SH3KBP1: variants seen among roughly 807,000 people sequenced by gnomAD.
The protein encoded by SH3KBP1 is SH3 domain-containing kinase-binding protein 1.
A neutral mutation model predicts 50.1 loss-of-function variants in SH3KBP1; 8 were observed. The observed-to-expected ratio is 0.16, with a 90% CI of 0.09 to 0.29. SH3KBP1 has a LOEUF of 0.29. Ranked by LOEUF, SH3KBP1 falls within the 10% of genes least tolerant of loss-of-function variation. SH3KBP1 has a pLI of 1.00. For missense variants in SH3KBP1, 377 were observed against 535.2 expected, an observed-to-expected ratio of 0.70 and a Z score of 2.92; for synonymous variants, 227 against 218.6, an observed-to-expected ratio of 1.04 and a Z score of -0.34.
chrX:19,645,716 C>G (rs1341381136), intron 6 of SH3KBP1, among the ~76,000 whole-genome samples: 1 of 111,931 alleles, frequency 8.9e-6, no homozygotes, highest in African/African-American at 3.3e-5. Context: ...AGCGTTTATT[C>G]TCTTTCTTCC....
intron 4 of SH3KBP1, among the ~76,000 whole-genome samples, chrX:19,699,117 T>G (rs191428545): frequency 6.3e-5 from 7 of 111,635 alleles, no homozygotes; most frequent in Admixed American, 5.7e-4. Flanking sequence ...AGCACCTATC[T>G]TGCACTGCCC....
At chrX:19,690,162 C>A (rs918755635) in intron 5 of SH3KBP1, among the ~76,000 whole-genome samples, 1 of 108,522 alleles carries the variant, frequency 9.2e-6, no homozygotes, top group Non-Finnish European at 1.9e-5. Context: ...TGGGTTCAAG[C>A]AATCCTCCTT....
chrX:19,831,091 G>A (rs1191125998), intron 2 of SH3KBP1, among the ~76,000 whole-genome samples: 1 of 112,140 alleles, frequency 8.9e-6, no homozygotes, highest in African/African-American at 3.2e-5. Flanking sequence ...ACGCTCAAAT[G>A]GGATACTGAA....
intron 2 of SH3KBP1, among the ~76,000 whole-genome samples, chrX:19,827,195 G>C (rs1162819080): frequency 8.9e-6 from 1 of 112,013 alleles, no homozygotes; most frequent in Non-Finnish European, 1.9e-5. Context: ...AGCACACATA[G>C]GACATGCAAG....
chrX:19,761,731 A>G (rs761879113), intron 2 of SH3KBP1, among the ~76,000 whole-genome samples: 2 of 112,351 alleles, frequency 1.8e-5, no homozygotes, highest in African/African-American at 3.2e-5. Flanking sequence ...GAGAAGGGAC[A>G]AGAGGCTGCT....
intron 12 of SH3KBP1, among the ~76,000 whole-genome samples, chrX:19,583,593 G>A (rs1028896560): frequency 9.0e-6 from 1 of 110,594 alleles, no homozygotes; most frequent in Non-Finnish European, 1.9e-5. Context: ...ATCTGAGGAA[G>A]GGAGCGATCA....
intron 2 of SH3KBP1, among the ~76,000 whole-genome samples, chrX:19,773,400 C>A (rs2065848466): frequency 1.8e-5 from 2 of 111,009 alleles, no homozygotes; most frequent in African/African-American, 6.6e-5. Flanking sequence ...CTCTTACCTA[C>A]TGCTTTCACA....
intron 12 of SH3KBP1, among the ~76,000 whole-genome samples, chrX:19,574,416 C>A (rs1357358765): frequency 4.5e-5 from 5 of 112,357 alleles, no homozygotes; most frequent in African/African-American, 1.6e-4. Context: ...TAGGAAATAA[C>A]CTGTGGATAA....
intron 1 of SH3KBP1, among the ~76,000 whole-genome samples, chrX:19,860,313 A>C (rs985647383): frequency 9.4e-6 from 1 of 106,782 alleles, no homozygotes; most frequent in African/African-American, 3.4e-5. Context: ...AGAAGTACTG[A>C]TACATGCTAC....
intron 6 of SH3KBP1, among the ~76,000 whole-genome samples, chrX:19,649,022 C>T (rs935870688): frequency 5.4e-5 from 6 of 111,866 alleles, no homozygotes; most frequent in Admixed American, 1.9e-4. Context: ...AGGTCAGCTA[C>T]ACTGCAGGGC....
chrX:19,638,634 G>C, intron 7 of SH3KBP1, among the ~76,000 whole-genome samples: 1 of 111,419 alleles, frequency 9.0e-6, no homozygotes, highest in Middle Eastern at 4.6e-3. Flanking sequence ...CTAGTAATGG[G>C]TATTAGCAAA....
intron 3 of SH3KBP1, among the ~76,000 whole-genome samples, chrX:19,736,249 C>G (rs2064570553): frequency 8.9e-6 from 1 of 112,197 alleles, no homozygotes; most frequent in African/African-American, 3.2e-5. Flanking sequence ...CCTCCCTATC[C>G]CAAAACCTAT....
At chrX:19,772,581 T>C (rs763619705) in intron 2 of SH3KBP1, among the ~76,000 whole-genome samples, 2 of 111,197 alleles carry the variant, frequency 1.8e-5, no homozygotes, top group Admixed American at 9.6e-5. Context: ...CGTTCCAACA[T>C]TGAACATGAA....
At chrX:19,606,621 TGTC>T (rs1166035302) in intron 9 of SH3KBP1, among the ~76,000 whole-genome samples, 1 of 111,928 alleles carries the variant, frequency 8.9e-6, no homozygotes, top group African/African-American at 3.3e-5. Context: ...GAAGGTGGGT[TGTC>T]ATCACTTAGA....
At chrX:19,574,556 G>A (rs968134383) in intron 12 of SH3KBP1, among the ~76,000 whole-genome samples, 4 of 112,436 alleles carry the variant, frequency 3.6e-5, no homozygotes, top group African/African-American at 1.3e-4. Context: ...CTTCCTTCTC[G>A]CTGTGCCCTC....
At chrX:19,799,859 T>G (rs1360341877) in intron 2 of SH3KBP1, 1 of 979,587 alleles carries the variant, frequency 1.0e-6, no homozygotes. Flanking sequence ...ACACTGGTGG[T>G]TTTTTTGTAA....
intron 2 of SH3KBP1, chrX:19,799,869 A>G (rs1295464010): frequency 1.1e-6 from 1 of 947,925 alleles, no homozygotes; most frequent in African/African-American, 2.0e-5. Context: ...TTTTTTTGTA[A>G]TTCTTTGCAC....
At chrX:19,872,479 G>C (rs1166562420) in intron 1 of SH3KBP1, among the ~76,000 whole-genome samples, 1 of 109,001 alleles carries the variant, frequency 9.2e-6, no homozygotes, top group Non-Finnish European at 1.9e-5. Flanking sequence ...GCTTTTAGAA[G>C]TATCAGTTGG....
chrX:19,681,838 G>A (rs2063061039), intron 6 of SH3KBP1, among the ~76,000 whole-genome samples: 1 of 110,986 alleles, frequency 9.0e-6, no homozygotes, highest in Non-Finnish European at 1.9e-5. Context: ...AGGGGTGTGA[G>A]CAGATGAGTA....
Sources: gnomAD v4.1 joint callset for allele counts (sites outside exome capture counted in the v4.1 genomes callset) on GRCh38, gnomAD v4.1.1 for gene constraint, MANE v1.5 for transcripts, NCBI Gene and HGNC (gene_info 2026-07-23, HGNC 2026-07-21) for gene names.